SMYD4: variants seen among roughly 807,000 people sequenced by gnomAD.
SMYD4 encodes SET and MYND domain containing 4, also known as protein-lysine N-methyltransferase SMYD4.
SMYD4 carries 68 observed loss-of-function variants against 72.8 expected under a neutral mutation model. The observed-to-expected ratio is 0.93, with a 90% confidence interval of 0.77 to 1.14. The LOEUF (loss-of-function observed/expected upper bound fraction) is 1.14. SMYD4 is among the 50% of genes most tolerant of loss of function. SMYD4 has a pLI of 0.00. For missense variants in SMYD4, 984 were observed against 1,003.7 expected (o/e 0.98, Z 0.27); for synonymous variants, 407 against 388.6 (o/e 1.05, Z -0.56).
At chr17:1,796,563 G>A (rs9896453) in intron 5 of SMYD4, among the ~76,000 whole-genome samples, 113,483 of 151,386 alleles carry the variant, frequency 0.75, 43,354 homozygotes, top group Non-Finnish European at 0.81. Flanking sequence ...CAGCCTCCCA[G>A]GTAGCTAGGA....
chr17:1,809,384 T>A (rs12948384), intron 3 of SMYD4, among the ~76,000 whole-genome samples: 1,403 of 71,352 alleles, frequency 0.02, 13 homozygotes, highest in Middle Eastern at 0.034. Context: ...TATTATTATT[T>A]TTTTTTTTGA....
rs1322064543 is a variant in SMYD4 at position 1,827,880 on chromosome 17, G to T, written c.115C>A (p.His39Asn). 5 of 1,608,024 alleles carry T rather than the reference G, an allele frequency of 3.1e-6. No individual in the cohort carries two copies. The highest frequency in any genetic ancestry group is 2.2e-5 in the South Asian group (2 of 90,904). ...ACTTACTGAAGAAGTGAAGAGGAGT[G>T]AAGAAAGATATCCCTCAAGGTCTCT... is the stretch of plus-strand genomic sequence containing the variant. Reference protein sequence around the residue: ...TAETLRDIFLHSSSLLQPEDE... With the variant: ...TAETLRDIFLNSSSLLQPEDE... Residue 39 changes from histidine to asparagine, a missense_variant, in exon 2 of 11, where the codon CAC becomes AAC. Transcript: ENST00000305513.
At chr17:1,827,070 T>C (rs1271679849) in intron 2 of SMYD4, among the ~76,000 whole-genome samples, 2 of 152,050 alleles carry the variant, frequency 1.3e-5, no homozygotes, top group African/African-American at 4.8e-5. Context: ...TGAGAATCGC[T>C]TGAACCCAGG....
In SMYD4 at chr17:1,780,951, A is replaced by C; in HGVS notation, c.*335T>G. 1 of 139,758 alleles carries C rather than the reference A, an allele frequency of 7.2e-6. No individual in the cohort carries two copies. 8.7% of individuals were successfully genotyped at this position (139,758 alleles called of 1,614,324 possible). A position where few individuals can be genotyped will look rare whatever the true frequency, so the allele number is the denominator to read the frequency against. ...ATTTTTTTTTTTGAGATGGAGTCTC[A>C]CACTGTCACCTGGGCTGGAGTGCAG... On this transcript the variant is annotated 3_prime_UTR_variant, in exon 11 of 11. Coordinates refer to ENST00000305513, the MANE Select transcript of SMYD4 (RefSeq NM_052928.3).
At chr17:1,815,389 G>T (rs1251820841) in intron 2 of SMYD4, among the ~76,000 whole-genome samples, 1 of 151,658 alleles carries the variant, frequency 6.6e-6, no homozygotes, top group Non-Finnish European at 1.5e-5. Flanking sequence ...TAGTAGAGAT[G>T]ATGTCTCAAT....
At chr17:1,782,864 G>T in intron 10 of SMYD4, 171 bp downstream of exon 10, 1 of 1,073,484 alleles carries the variant, frequency 9.3e-7, no homozygotes, top group Non-Finnish European at 1.3e-6. Context: ...CCTCCCAGGA[G>T]GAAATTCTAA....
intron 2 of SMYD4, among the ~76,000 whole-genome samples, chr17:1,826,234 T>C (rs1320300592): frequency 2.6e-5 from 4 of 152,078 alleles, no homozygotes; most frequent in African/African-American, 4.8e-5. Context: ...GGCTCATGCC[T>C]GCAATCCCAG....
At chr17:1,803,471 C>A (rs955650377) in intron 4 of SMYD4, among the ~76,000 whole-genome samples, 2 of 152,196 alleles carry the variant, frequency 1.3e-5, no homozygotes, top group Non-Finnish European at 2.9e-5. Flanking sequence ...CAGTCCACAT[C>A]CCCATGGAAT....
rs1314184290 is a variant in SMYD4, at chr17:1,796,317, T to TTTTG, written c.1537+3539_1537+3540insCAAA. 4.8e-3 allele frequency among the ~76,000 whole-genome samples: 721 copies of TTTTG among 149,392 alleles called. 19 individuals carry two copies. Among genetic ancestry groups the TTTTG allele is most frequent in the African/African-American group, 0.017 (686 of 40,396 alleles). ...CCTGGCTGTTTTTTTTTTTTTTTTT[T>TTTTG]GTAGAGATGGGTCTTGCTCTGTTGC... is the stretch of plus-strand genomic sequence containing the variant. On this transcript the variant is annotated intron_variant, in intron 5 of 10. Transcript: ENST00000305513.
chr17:1,815,249 A>G (rs1432997027), intron 2 of SMYD4, among the ~76,000 whole-genome samples: 1 of 151,976 alleles, frequency 6.6e-6, no homozygotes, highest in Admixed American at 6.6e-5. Context: ...TTTTTAGTAG[A>G]GACGGGGTTT....
chr17:1,788,623 T>G (rs1908834452), intron 5 of SMYD4, among the ~76,000 whole-genome samples: 1 of 151,952 alleles, frequency 6.6e-6, no homozygotes, highest in Non-Finnish European at 1.5e-5. Flanking sequence ...TACGTGCCTG[T>G]AGTCCCAGCT....
At position 1,820,522 on chromosome 17, in the gene SMYD4, G is replaced by A. The variant is rs112295644; in HGVS notation, c.134+7339C>T. On this transcript the variant is annotated intron_variant, in intron 2 of 10. Coordinates refer to ENST00000305513, the MANE Select transcript of SMYD4 (RefSeq NM_052928.3). ...CCCAAAGTGTTGGGATTACAGGTGT[G>A]AATGGGGTCACCATACCTGGCCTAC... Among the ~76,000 whole-genome samples, 1,061 of 152,342 alleles carry A rather than the reference G, an allele frequency of 7.0e-3. 7 individuals carry two copies. The highest frequency in any genetic ancestry group is 0.024 in the African/African-American group (1,012 of 41,588).
chr17:1,811,938 A>G (rs1910347175), intron 3 of SMYD4, 33 bp downstream of exon 3: 2 of 1,604,684 alleles, frequency 1.2e-6, no homozygotes, highest in Non-Finnish European at 8.5e-7. Context: ...GAGAAAAATA[A>G]ATAATAAATT....
At chr17:1,804,569 C>T in intron 4 of SMYD4, 57 bp downstream of exon 4, 1 of 1,461,062 alleles carries the variant, frequency 6.8e-7, no homozygotes, top group Non-Finnish European at 9.6e-7. Context: ...AGGTCTAGTC[C>T]TCCAGTAAGA....
chr17:1,826,510 A>T (rs1433504712), intron 2 of SMYD4, among the ~76,000 whole-genome samples: 1 of 147,650 alleles, frequency 6.8e-6, no homozygotes, highest in Admixed American at 6.7e-5. Flanking sequence ...AAAAAAAAAA[A>T]AAAAAAAAGA....
chr17:1,798,906 AT>A (rs1287940135), intron 5 of SMYD4, among the ~76,000 whole-genome samples: 2 of 151,610 alleles, frequency 1.3e-5, no homozygotes, highest in Non-Finnish European at 1.5e-5. Flanking sequence ...CAAAAAAAAA[AT>A]AAATAAATAA....
Position 1,786,849 on chromosome 17 carries a change from C to T in SMYD4, c.1845G>A (p.Trp615Ter), listed in dbSNP as rs547170255. ...EAHRMAAGPR[W>*]EAFCCNSCGA... ...CGCAACTGTTGCAACAGAATGCTTC[C>T]CACCTGGGCCCTGCAGCCATCCTGT... Residue 615 changes from tryptophan to a stop codon, truncating the protein, a stop_gained, in exon 7 of 11, where the codon TGG becomes TGA. Coordinates refer to ENST00000305513, the MANE Select transcript of SMYD4 (RefSeq NM_052928.3). LOFTEE classifies it high-confidence loss of function. 6.2e-7 allele frequency: 1 copy of T among 1,614,206 alleles called. No individual in the cohort carries two copies. The highest frequency in any genetic ancestry group is 1.7e-5 in the Admixed American group (1 of 60,022).
rs1442017680 is a variant in SMYD4, at chr17:1,779,984, C to T, written c.*1302G>A. ...AAAACCCCAGGCTAACATCCAGATG[C>T]CTGCAGATCAGCTAAAATCCTTTTA... On this transcript the variant is annotated 3_prime_UTR_variant, in exon 11 of 11. Coordinates refer to ENST00000305513, the MANE Select transcript of SMYD4 (RefSeq NM_052928.3). 6.6e-6 allele frequency: 1 copy of T among 152,646 alleles called. No individual in the cohort carries two copies. The highest frequency in any genetic ancestry group is 1.5e-5 in the Non-Finnish European group (1 of 68,046). 9.5% of individuals were successfully genotyped at this position (152,646 alleles called of 1,614,324 possible). A position where few individuals can be genotyped will look rare whatever the true frequency, so the allele number is the denominator to read the frequency against.
intron 5 of SMYD4, among the ~76,000 whole-genome samples, chr17:1,791,970 A>G (rs1014578136): frequency 6.6e-6 from 1 of 152,346 alleles, no homozygotes; most frequent in Non-Finnish European, 1.5e-5. Flanking sequence ...AACATTACAG[A>G]GAAAATGACA....
Sources: allele counts gnomAD v4.1 joint callset (sites outside exome capture counted in the v4.1 genomes callset), GRCh38; gene constraint gnomAD v4.1.1; transcripts MANE v1.5; gene names NCBI Gene and HGNC (gene_info 2026-07-23, HGNC 2026-07-21).